Variants in DPP10 observed in about 807,000 individuals in gnomAD.
The protein encoded by DPP10 is dipeptidyl peptidase like 10, also known as inactive dipeptidyl peptidase 10.
DPP10 carries 33 observed loss-of-function variants against 120.9 expected under a neutral mutation model. The ratio of observed to expected loss-of-function variants is 0.27; its 90% CI spans 0.21 to 0.37. The LOEUF is 0.37. DPP10 is among the 10% of genes least tolerant of loss of function. DPP10 has a pLI of 1.00. For missense variants in DPP10, 816 were observed against 942.8 expected, an observed-to-expected ratio of 0.87 and a Z score of 1.76; for synonymous variants, 337 against 326.1, an observed-to-expected ratio of 1.03 and a Z score of -0.36.
At chr2:115,272,294 A>C (rs1203154881) in intron 1 of DPP10, among the ~76,000 whole-genome samples, 1 of 152,244 alleles carries the variant, frequency 6.6e-6, no homozygotes, top group Non-Finnish European at 1.5e-5. Flanking sequence ...CACAAATATT[A>C]GCCTGCACTC....
At chr2:114,809,605 T>C (rs1685016000) in intron 1 of DPP10, among the ~76,000 whole-genome samples, 1 of 152,194 alleles carries the variant, frequency 6.6e-6, no homozygotes, top group African/African-American at 2.4e-5. Context: ...ATTATGCAAA[T>C]TTGGAACTTC....
At chr2:115,288,654 C>T (rs1385085218) in intron 1 of DPP10, among the ~76,000 whole-genome samples, 2 of 151,838 alleles carry the variant, frequency 1.3e-5, no homozygotes, top group African/African-American at 2.4e-5. Flanking sequence ...ACCCAGGAAA[C>T]GAGGTTGCAG....
chr2:115,818,151 C>A (rs1376034246), intron 21 of DPP10, among the ~76,000 whole-genome samples: 1 of 152,056 alleles, frequency 6.6e-6, no homozygotes, highest in Non-Finnish European at 1.5e-5. Context: ...AGTGATTAGC[C>A]ATTTTATGAG....
At chr2:114,550,900 G>T (rs1687832854) in intron 1 of DPP10, among the ~76,000 whole-genome samples, 1 of 152,180 alleles carries the variant, frequency 6.6e-6, no homozygotes, top group African/African-American at 2.4e-5. Context: ...TGACTGTTCA[G>T]ATCAGACGAG....
chr2:115,681,329 G>A (rs1360283249), intron 5 of DPP10, among the ~76,000 whole-genome samples: 1 of 151,510 alleles, frequency 6.6e-6, no homozygotes, highest in South Asian at 2.1e-4. Flanking sequence ...TATAATACTT[G>A]GAATTTATAT....
intron 1 of DPP10, among the ~76,000 whole-genome samples, chr2:115,175,433 T>C (rs1425319311): frequency 1.3e-5 from 2 of 152,156 alleles, no homozygotes; most frequent in Non-Finnish European, 2.9e-5. Flanking sequence ...AATAAACATA[T>C]GAATGGGATT....
chr2:114,847,900 GTAATAA>G (rs1364592787), intron 1 of DPP10, among the ~76,000 whole-genome samples: 4 of 152,104 alleles, frequency 2.6e-5, no homozygotes, highest in Non-Finnish European at 5.9e-5. Flanking sequence ...CACCAATAAT[GTAATAA>G]TAATAACAAT....
chr2:114,513,920 T>G (rs562368544), intron 1 of DPP10, among the ~76,000 whole-genome samples: 1 of 152,196 alleles, frequency 6.6e-6, no homozygotes, highest in African/African-American at 2.4e-5. Context: ...GCATAATTAT[T>G]CCCCCCATTT....
chr2:114,609,692 C>T (rs1025616459), intron 1 of DPP10, among the ~76,000 whole-genome samples: 11 of 152,136 alleles, frequency 7.2e-5, no homozygotes, highest in Admixed American at 5.9e-4. Context: ...TCCAAACTAT[C>T]GCATCCAAAC....
chr2:115,518,228 G>T (rs963863247), intron 4 of DPP10, among the ~76,000 whole-genome samples: 2 of 152,150 alleles, frequency 1.3e-5, no homozygotes, highest in African/African-American at 4.8e-5. Context: ...AGGTTTGAAG[G>T]AGTCAAACAT....
intron 7 of DPP10, among the ~76,000 whole-genome samples, chr2:115,722,229 AAG>A (rs1431728082): frequency 2.0e-5 from 3 of 151,894 alleles, no homozygotes; most frequent in African/African-American, 4.8e-5. Flanking sequence ...TTACAGATTT[AAG>A]AGGGTAGATT....
intron 4 of DPP10, among the ~76,000 whole-genome samples, chr2:115,508,865 T>G (rs1437351507): frequency 6.6e-6 from 1 of 152,172 alleles, no homozygotes; most frequent in East Asian, 1.9e-4. Context: ...ATAGCGCCAC[T>G]GCACTACAGC....
At chr2:115,582,469 C>T (rs1057460246) in intron 5 of DPP10, among the ~76,000 whole-genome samples, 1 of 152,170 alleles carries the variant, frequency 6.6e-6, no homozygotes, top group African/African-American at 2.4e-5. Context: ...TCCCTGGCAC[C>T]AGCTGCAACC....
At chr2:114,484,984 A>G (rs1286614125) in intron 1 of DPP10, among the ~76,000 whole-genome samples, 1 of 152,096 alleles carries the variant, frequency 6.6e-6, no homozygotes, top group Non-Finnish European at 1.5e-5. Context: ...AAAAAATACA[A>G]AACAAGTTAA....
At chr2:114,864,139 A>G (rs1690038328) in intron 1 of DPP10, among the ~76,000 whole-genome samples, 1 of 152,260 alleles carries the variant, frequency 6.6e-6, no homozygotes, top group South Asian at 2.1e-4. Flanking sequence ...TACAGATTTT[A>G]TTAAGTTGTT....
chr2:115,715,013 A>G (rs2092442601), intron 7 of DPP10, among the ~76,000 whole-genome samples: 1 of 136,506 alleles, frequency 7.3e-6, no homozygotes, highest in African/African-American at 2.7e-5. Context: ...TGGGAGACAG[A>G]GCAAGACTCT....
chr2:115,551,186 T>A (rs951271441), intron 5 of DPP10, among the ~76,000 whole-genome samples: 2 of 152,158 alleles, frequency 1.3e-5, no homozygotes, highest in African/African-American at 4.8e-5. Flanking sequence ...GTAGTACCTG[T>A]CAAGCTTTTG....
At chr2:114,932,977 A>C (rs891695203) in intron 1 of DPP10, among the ~76,000 whole-genome samples, 2 of 152,160 alleles carry the variant, frequency 1.3e-5, no homozygotes, top group African/African-American at 4.8e-5. Flanking sequence ...TACATCCTTC[A>C]TAGAGGGAGA....
At chr2:114,841,585 A>G (rs1206093868) in intron 1 of DPP10, among the ~76,000 whole-genome samples, 1 of 152,086 alleles carries the variant, frequency 6.6e-6, no homozygotes. Context: ...CAAGTTATGG[A>G]TTAGAGTGTT....
Sources: allele counts gnomAD v4.1 joint callset (sites outside exome capture counted in the v4.1 genomes callset), GRCh38; gene constraint gnomAD v4.1.1; transcripts MANE v1.5; gene names NCBI Gene and HGNC (gene_info 2026-07-23, HGNC 2026-07-21).